The following PTPRD variants were observed in gnomAD, a reference collection of about 807,000 sequenced individuals.
The protein encoded by PTPRD is protein tyrosine phosphatase receptor type D, also known as receptor-type tyrosine-protein phosphatase delta.
A neutral mutation model predicts 214.5 loss-of-function variants in PTPRD; 34 were observed. The ratio of observed to expected loss-of-function variants is 0.16; its 90% CI spans 0.12 to 0.21. The LOEUF is 0.21. Ranked by LOEUF, PTPRD falls within the 10% of genes least tolerant of loss-of-function variation. The pLI is 1.00. For synonymous variants in PTPRD, 1,128 were observed against 845.7 expected, an observed-to-expected ratio of 1.33 and a Z score of -5.79; for missense variants, 2,545 against 2,398.7, an observed-to-expected ratio of 1.06 and a Z score of -1.27.
chr9:9,707,723 T>C lies in PTPRD; in HGVS notation c.-287+26810A>G, dbSNP rs1026062358. On this transcript the variant is annotated intron_variant, in intron 7 of 45. Transcript: ENST00000381196. ...TATAAAATACTTAAACCCTTTCTTA[T>C]AGTCACATCATGTACGTTTATCTTA... Among the ~76,000 whole-genome samples, 51 of 152,150 alleles carry C rather than the reference T, an allele frequency of 3.4e-4. 1 individual carries two copies. The highest frequency in any genetic ancestry group is 2.6e-3 in the Admixed American group (39 of 15,266).
At chr9:9,593,594 T>C (rs1378922551) in intron 7 of PTPRD, among the ~76,000 whole-genome samples, 3 of 151,826 alleles carry the variant, frequency 2.0e-5, no homozygotes, top group Non-Finnish European at 4.4e-5. Flanking sequence ...AAATGTCAAG[T>C]GAAGGAATGT....
chr9:9,649,652 C>T (rs1256595360), intron 7 of PTPRD, among the ~76,000 whole-genome samples: 1 of 152,168 alleles, frequency 6.6e-6, no homozygotes, highest in African/African-American at 2.4e-5. Context: ...CTGAAATTCT[C>T]ATAACTAGAG....
chr9:10,401,159 T>C (rs1015304458), intron 2 of PTPRD, among the ~76,000 whole-genome samples: 1 of 151,752 alleles, frequency 6.6e-6, no homozygotes, highest in Non-Finnish European at 1.5e-5. Context: ...AAAGTTTCTC[T>C]CTAAAAATGA....
chr9:8,710,998 C>T (rs1032648490), intron 12 of PTPRD, among the ~76,000 whole-genome samples: 4 of 152,020 alleles, frequency 2.6e-5, no homozygotes, highest in Non-Finnish European at 5.9e-5. Flanking sequence ...TCCATGTGTT[C>T]TTATGTAATT....
intron 3 of PTPRD, among the ~76,000 whole-genome samples, chr9:10,090,943 CACACACACACACACACAT>C (rs1347255044): frequency 8.7e-5 from 13 of 148,616 alleles, no homozygotes; most frequent in African/African-American, 2.2e-4. Flanking sequence ...CACACACACA[CACACACACACACACACAT>C]GCATGTGGTA....
chr9:8,422,644 C>T (rs908468364), intron 35 of PTPRD, among the ~76,000 whole-genome samples: 1 of 152,042 alleles, frequency 6.6e-6, no homozygotes, highest in Non-Finnish European at 1.5e-5. Context: ...TAAACTTAAA[C>T]CTCTAAAATT....
Position 8,775,513 on chromosome 9 carries a change from G to C in PTPRD, c.-103-41567C>G, listed in dbSNP as rs2095435471. ...CAGGTATGGAATATACTAATGCTTT[G>C]GATTGGGAGCAAAAAAAACTGGAAA... On this transcript the variant is annotated intron_variant, in intron 11 of 45. Coordinates refer to ENST00000381196, the MANE Select transcript of PTPRD (RefSeq NM_002839.4). Among the ~76,000 whole-genome samples the C allele has an allele frequency of 2.0e-5, 3 of 152,212 alleles. No individual in the cohort carries two copies. In the South Asian group the frequency reaches 6.2e-4, roughly 32 times the overall value.
intron 34 of PTPRD, among the ~76,000 whole-genome samples, chr9:8,442,083 G>T (rs1452739494): frequency 6.6e-6 from 1 of 152,122 alleles, no homozygotes; most frequent in Admixed American, 6.5e-5. Flanking sequence ...AGAGGAAAAG[G>T]GGATGCAAAA....
At chr9:8,420,459 A>G (rs1198962677) in intron 35 of PTPRD, among the ~76,000 whole-genome samples, 9 of 152,164 alleles carry the variant, frequency 5.9e-5, no homozygotes, top group Non-Finnish European at 1.0e-4. Flanking sequence ...GCCATTTGGG[A>G]GAAATGAGCA....
chr9:8,397,093 C>T (rs1003715846), intron 36 of PTPRD, among the ~76,000 whole-genome samples: 2 of 152,088 alleles, frequency 1.3e-5, no homozygotes, highest in South Asian at 4.1e-4. Flanking sequence ...ATGAACTCAA[C>T]AAATAATTGG....
chr9:10,206,717 G>T (rs985092977), intron 3 of PTPRD, among the ~76,000 whole-genome samples: 6 of 152,136 alleles, frequency 3.9e-5, no homozygotes, highest in Non-Finnish European at 5.9e-5. Flanking sequence ...TATCTAGATG[G>T]TGTTATCCAT....
intron 3 of PTPRD, among the ~76,000 whole-genome samples, chr9:10,340,446 T>C (rs1056153955): frequency 6.6e-5 from 10 of 151,880 alleles, no homozygotes; most frequent in African/African-American, 2.4e-4. Context: ...TTATATACTA[T>C]TTGTATTGGT....
At chr9:8,721,429 CA>C (rs35721977) in intron 12 of PTPRD, among the ~76,000 whole-genome samples, 21,110 of 97,202 alleles carry the variant, frequency 0.22, 1,790 homozygotes, top group Non-Finnish European at 0.3. Context: ...GACTCCATTT[CA>C]AAAAAAAAAA....
chr9:9,244,705 C>G (rs979992072), intron 9 of PTPRD, among the ~76,000 whole-genome samples: 1 of 152,072 alleles, frequency 6.6e-6, no homozygotes, highest in Non-Finnish European at 1.5e-5. Context: ...CTAGGCAATA[C>G]CATTCAGGAC....
intron 8 of PTPRD, among the ~76,000 whole-genome samples, chr9:9,404,051 C>A (rs900989775): frequency 4.6e-5 from 7 of 151,786 alleles, no homozygotes; most frequent in Non-Finnish European, 8.8e-5. Context: ...CACTTATATT[C>A]AAGCAACAGA....
At chr9:9,421,235 T>C (rs887753324) in intron 8 of PTPRD, among the ~76,000 whole-genome samples, 1 of 151,884 alleles carries the variant, frequency 6.6e-6, no homozygotes, top group Non-Finnish European at 1.5e-5. Context: ...ATAAAAACAC[T>C]TTAATTCTAA....
At chr9:10,224,098 G>C (rs1168207909) in intron 3 of PTPRD, among the ~76,000 whole-genome samples, 2 of 151,862 alleles carry the variant, frequency 1.3e-5, no homozygotes, top group African/African-American at 4.8e-5. Context: ...GATAATTTCA[G>C]TTGCCTCTTG....
chr9:10,230,388 A>T (rs563146732), intron 3 of PTPRD, among the ~76,000 whole-genome samples: 2 of 151,580 alleles, frequency 1.3e-5, no homozygotes, highest in African/African-American at 4.8e-5. Context: ...TCTTACCAAA[A>T]CAGCTATCTA....
intron 3 of PTPRD, among the ~76,000 whole-genome samples, chr9:10,227,544 C>T (rs1057330608): frequency 1.5e-4 from 23 of 152,008 alleles, no homozygotes; most frequent in African/African-American, 4.6e-4. Flanking sequence ...CTGCATTGCC[C>T]GTTTGTCTCT....
Sources: allele counts gnomAD v4.1 joint callset (sites outside exome capture counted in the v4.1 genomes callset), GRCh38; gene constraint gnomAD v4.1.1; transcripts MANE v1.5; gene names NCBI Gene and HGNC (gene_info 2026-07-23, HGNC 2026-07-21).